GRIN2B: variants seen among roughly 807,000 people sequenced by gnomAD.
GRIN2B encodes glutamate receptor ionotropic, NMDA 2B.
A neutral mutation model predicts 114.5 loss-of-function variants in GRIN2B; 5 were observed. The ratio of observed to expected loss-of-function variants is 0.04; its 90% CI spans 0.02 to 0.09. The LOEUF (loss-of-function observed/expected upper bound fraction) is 0.09. GRIN2B is among the 10% of genes least tolerant of loss of function. The probability of loss-of-function intolerance (pLI) is 1.00; values close to 1 mark genes in which losing one functional copy is unlikely to be tolerated. For synonymous variants in GRIN2B, 787 were observed against 745.1 expected (o/e 1.06, Z -0.92); for missense variants, 1,108 against 1,943.5 (o/e 0.57, Z 8.08).
chr12:13,936,809 G>C (rs1867137149), intron 2 of GRIN2B, among the ~76,000 whole-genome samples: 1 of 150,936 alleles, frequency 6.6e-6, no homozygotes, highest in Non-Finnish European at 1.5e-5. Context: ...CCTAATGAGT[G>C]AACAGATAGG....
intron 5 of GRIN2B, among the ~76,000 whole-genome samples, chr12:13,642,274 T>A (rs1949726071): frequency 6.6e-6 from 1 of 152,124 alleles, no homozygotes; most frequent in Admixed American, 6.5e-5. Context: ...CCCCAACTCA[T>A]TATTTTGATT....
chr12:13,778,004 G>A (rs1397312233), intron 3 of GRIN2B, among the ~76,000 whole-genome samples: 1 of 152,028 alleles, frequency 6.6e-6, no homozygotes, highest in Non-Finnish European at 1.5e-5. Flanking sequence ...CTACACAAAG[G>A]AGAAAAAAAT....
At chr12:13,704,075 T>C (rs1591685984) in intron 4 of GRIN2B, among the ~76,000 whole-genome samples, 1 of 152,174 alleles carries the variant, frequency 6.6e-6, no homozygotes, top group Non-Finnish European at 1.5e-5. Flanking sequence ...TAGTCAGAGA[T>C]TTATCAGAGA....
intron 3 of GRIN2B, among the ~76,000 whole-genome samples, chr12:13,843,984 C>A (rs995465330): frequency 1.1e-4 from 16 of 152,196 alleles, no homozygotes; most frequent in Admixed American, 8.5e-4. Context: ...AGGCCAAAAC[C>A]TTTTCTCCTC....
rs1251491237 is a variant in GRIN2B at position 13,557,316 on chromosome 12, G to A, written c.*5467C>T. 1 of 152,210 alleles carries A rather than the reference G, an allele frequency of 6.6e-6. No individual in the cohort carries two copies. Among genetic ancestry groups the A allele is most frequent in the East Asian group, 1.9e-4 (1 of 5,204 alleles). The allele number at this position is 152,210 out of a possible 1,614,324, so 9.4% of individuals were successfully genotyped here. ...AAGAAACAATTGCCCCCCAGGTTAA[G>A]TAGCACCTGAGGTCATAAGTGGCTC... On this transcript the variant is annotated 3_prime_UTR_variant, in exon 14 of 14. Coordinates refer to ENST00000609686, the MANE Select transcript of GRIN2B (RefSeq NM_000834.5).
At chr12:13,906,463 A>G (rs1866535866) in intron 2 of GRIN2B, among the ~76,000 whole-genome samples, 1 of 152,192 alleles carries the variant, frequency 6.6e-6, no homozygotes, top group South Asian at 2.1e-4. Context: ...CAATAACAAT[A>G]GGGTTGTAGA....
At chr12:13,896,325 T>C (rs11612709) in intron 2 of GRIN2B, among the ~76,000 whole-genome samples, 15,188 of 151,944 alleles carry the variant, frequency 0.1, 993 homozygotes, top group Middle Eastern at 0.2. Context: ...CCACGGAGGA[T>C]TGTAATTAAA....
At chr12:13,865,596 C>T (rs1287055468) in intron 3 of GRIN2B, among the ~76,000 whole-genome samples, 2 of 152,110 alleles carry the variant, frequency 1.3e-5, no homozygotes, top group Admixed American at 1.3e-4. Context: ...GGCATCATTG[C>T]ACTCCAGCCT....
chr12:13,660,396 C>T (rs2300238), intron 5 of GRIN2B, among the ~76,000 whole-genome samples: 61,895 of 151,888 alleles, frequency 0.41, 12,885 homozygotes, highest in Middle Eastern at 0.52. Context: ...TTATATTTTC[C>T]TCTTAGCACC....
intron 3 of GRIN2B, among the ~76,000 whole-genome samples, chr12:13,774,720 G>A (rs549128920): frequency 3.3e-5 from 5 of 152,080 alleles, no homozygotes; most frequent in Admixed American, 6.6e-5. Flanking sequence ...CCTTTTAAAC[G>A]CATAACATGC....
intron 2 of GRIN2B, among the ~76,000 whole-genome samples, chr12:13,962,770 C>T (rs1867718035): frequency 6.6e-6 from 1 of 152,212 alleles, no homozygotes; most frequent in Non-Finnish European, 1.5e-5. Flanking sequence ...CCCTGGAGTC[C>T]AGACAGAACT....
At chr12:13,622,113 A>G (rs1949523897) in intron 5 of GRIN2B, among the ~76,000 whole-genome samples, 1 of 152,338 alleles carries the variant, frequency 6.6e-6, no homozygotes, top group East Asian at 1.9e-4. Context: ...TCTTGTCTGC[A>G]TAGAAAGTCA....
chr12:13,936,273 C>A (rs1867129327), intron 2 of GRIN2B, among the ~76,000 whole-genome samples: 1 of 152,108 alleles, frequency 6.6e-6, no homozygotes, highest in Admixed American at 6.6e-5. Flanking sequence ...GATTGGAGTT[C>A]CAGTCCTGCC....
chr12:13,740,565 C>A (rs1210253705), intron 4 of GRIN2B, among the ~76,000 whole-genome samples: 1 of 151,650 alleles, frequency 6.6e-6, no homozygotes, highest in African/African-American at 2.4e-5. Flanking sequence ...ATTTATCTGA[C>A]CTGTCAAAAA....
intron 4 of GRIN2B, 112 bp from the exon 5 acceptor site, chr12:13,675,971 TACAG>T (rs1950070641): frequency 1.4e-6 from 1 of 700,490 alleles, no homozygotes; most frequent in South Asian, 1.5e-5. Flanking sequence ...TAAATAGAAA[TACAG>T]ATACCATTAT....
At chr12:13,974,625 T>C (rs1285462996) in intron 2 of GRIN2B, among the ~76,000 whole-genome samples, 2 of 152,120 alleles carry the variant, frequency 1.3e-5, no homozygotes, top group African/African-American at 4.8e-5. Flanking sequence ...AATTTAAATG[T>C]CAACCCCTCC....
At chr12:13,777,129 G>C (rs1243459502) in intron 3 of GRIN2B, among the ~76,000 whole-genome samples, 8 of 152,112 alleles carry the variant, frequency 5.3e-5, no homozygotes, top group African/African-American at 1.9e-4. Flanking sequence ...AGTAAGAATC[G>C]CTTCTGAATA....
Position 13,753,814 on chromosome 12 carries a change from G to C in GRIN2B, c.513C>G (p.Ile171Met). The change falls in exon 4 of 14, where the codon ATC (isoleucine) becomes ATG (methionine). Residue 171 changes from isoleucine to methionine, a missense_variant. Ile to Met is a conservative substitution (Grantham distance 10). This residue lies in a region of GRIN2B where 199 missense variants were observed against 439.6 expected (regional missense o/e 0.45). Transcript: ENST00000609686. The surrounding 1 kb of genome is among the most constrained non-coding windows in gnomAD (Gnocchi z 6.2). ...GGTAGCCAGGGAAATAGGTGGTGACGATAGAAAAGATGTACCAGTCATATT... is the reference window on the plus strand; with the variant it reads ...GGTAGCCAGGGAAATAGGTGGTGACCATAGAAAAGATGTACCAGTCATATT... ...MEEYDWYIFS[I>M]VTTYFPGYQD... 6 of 1,613,440 alleles carry C rather than the reference G, an allele frequency of 3.7e-6. No homozygotes were observed. Among genetic ancestry groups the C allele is most frequent in the Non-Finnish European group, 5.1e-6 (6 of 1,179,514 alleles).
intron 10 of GRIN2B, among the ~76,000 whole-genome samples, chr12:13,576,640 C>T (rs980971932): frequency 6.6e-6 from 1 of 151,818 alleles, no homozygotes; most frequent in African/African-American, 2.4e-5. Context: ...TCAACTTCAA[C>T]CTCCCAGGCT....
Sources: allele counts gnomAD v4.1 joint callset (sites outside exome capture counted in the v4.1 genomes callset), GRCh38; gene constraint gnomAD v4.1.1; regional missense constraint gnomAD v4.1.1; non-coding constraint Gnocchi (gnomAD v3.1); transcripts MANE v1.5; gene names NCBI Gene and HGNC (gene_info 2026-07-23, HGNC 2026-07-21).